MLKL: variants seen among roughly 807,000 people sequenced by gnomAD.
MLKL encodes the protein mixed lineage kinase domain like pseudokinase, also known as mixed lineage kinase domain-like protein.
Under a neutral mutation model 56.5 loss-of-function variants are expected in MLKL, and 55 were observed. The ratio of observed to expected loss-of-function variants is 0.97; its 90% CI spans 0.78 to 1.22. The LOEUF is 1.22. MLKL is among the 50% of genes most tolerant of loss of function. The pLI is 0.00. For synonymous variants in MLKL, 251 were observed against 208.3 expected (o/e 1.20, Z -1.76); for missense variants, 694 against 573.9 (o/e 1.21, Z -2.14).
At chr16:74,693,123 T>C (rs931255280) in intron 2 of MLKL, among the ~76,000 whole-genome samples, 1 of 152,190 alleles carries the variant, frequency 6.6e-6, no homozygotes, top group Non-Finnish European at 1.5e-5. Context: ...CTAGTGATTT[T>C]ACCTAGCAAT....
Position 74,686,556 on chromosome 16 carries a change from C to T in MLKL, c.723-973G>A, listed in dbSNP as rs1960341734. On this transcript the variant is annotated intron_variant, in intron 4 of 10. Transcript: ENST00000308807. Reference sequence around the variant, plus strand: ...CGAGATCACACCATTGCACTCCAGCCTGGGTGACAGAACGAGACTACGTCT... The same window carrying T: ...CGAGATCACACCATTGCACTCCAGCTTGGGTGACAGAACGAGACTACGTCT... Among the ~76,000 whole-genome samples the T allele has an allele frequency of 3.3e-5, 5 of 152,184 alleles. No homozygotes were observed. In the South Asian group the frequency reaches 1.0e-3, roughly 31 times the overall value.
rs749600380 is a variant in MLKL at position 74,685,477 on chromosome 16, A to G, written c.820+9T>C. The G allele has an allele frequency of 5.0e-6, 8 of 1,609,182 alleles. No individual in the cohort carries two copies. Among genetic ancestry groups the G allele is most frequent in the Non-Finnish European group, 6.8e-6 (8 of 1,175,750 alleles). Reference sequence around the variant, plus strand: ...CCAAAGCTTGACCAATCCTAGAAGCATTCCTTACCTGTTTCATCAATGCAA... The same window carrying G: ...CCAAAGCTTGACCAATCCTAGAAGCGTTCCTTACCTGTTTCATCAATGCAA... On this transcript the variant is annotated intron_variant, in intron 5 of 10. Transcript: ENST00000308807.
At chr16:74,686,318 C>T (rs977289765) in intron 4 of MLKL, among the ~76,000 whole-genome samples, 2 of 152,078 alleles carry the variant, frequency 1.3e-5, no homozygotes, top group Admixed American at 1.3e-4. Flanking sequence ...CGTGGTGGCT[C>T]ATGCCTGTAA....
chr16:74,686,999 G>A (rs1373320889), intron 4 of MLKL, among the ~76,000 whole-genome samples: 5 of 152,086 alleles, frequency 3.3e-5, no homozygotes, highest in Non-Finnish European at 7.4e-5. Context: ...TTTTTGAGAT[G>A]GAGCCTCACT....
chr16:74,688,733 C>A (rs557229580), intron 4 of MLKL, among the ~76,000 whole-genome samples: 23 of 152,004 alleles, frequency 1.5e-4, no homozygotes, highest in African/African-American at 4.8e-4. Flanking sequence ...AAACAAAAAA[C>A]CCCCAAAACC....
intron 6 of MLKL, among the ~76,000 whole-genome samples, chr16:74,681,089 A>G (rs967316354): frequency 6.6e-6 from 1 of 152,070 alleles, no homozygotes; most frequent in African/African-American, 2.4e-5. Flanking sequence ...CAGTGGTACG[A>G]TATCAGTTCA....
chr16:74,672,585 G>A, intron 10 of MLKL, 47 bp from the exon 11 acceptor site: 8 of 1,563,178 alleles, frequency 5.1e-6, no homozygotes, highest in Non-Finnish European at 7.0e-6. Flanking sequence ...GCAGCTGAGA[G>A]CCAAGTTAGA....
chr16:74,675,345 C>T lies in MLKL; in HGVS notation c.1240+10G>A, dbSNP rs376292687. ...TCACCACTGGCTGAGCCAGTCTTCA[C>T]ATTCTTCACCTTGAAACGGGATATC... On this transcript the variant is annotated intron_variant, in intron 9 of 10. Coordinates refer to ENST00000308807, the MANE Select transcript of MLKL (RefSeq NM_152649.4). 6.2e-7 allele frequency: 1 copy of T among 1,614,046 alleles called. No homozygotes were observed. The highest frequency in any genetic ancestry group is 8.5e-7 in the Non-Finnish European group (1 of 1,180,006).
At position 74,695,779 on chromosome 16, in the gene MLKL, T is replaced by C. The variant is rs1442149706; in HGVS notation, c.-2-20A>G. 6.4e-7 allele frequency: 1 copy of C among 1,563,040 alleles called. No individual in the cohort carries two copies. Reference sequence around the variant, plus strand: ...CCATGCCTGGAAGAAATGAATGGAATTTGGTGAAATCCCCAAATCTCCTGC... The same window carrying C: ...CCATGCCTGGAAGAAATGAATGGAACTTGGTGAAATCCCCAAATCTCCTGC... On this transcript the variant is annotated intron_variant, in intron 1 of 10. Coordinates refer to ENST00000308807, the MANE Select transcript of MLKL (RefSeq NM_152649.4).
In MLKL at chr16:74,691,385, G is replaced by A. The variant is rs767152998; in HGVS notation, c.614C>T (p.Pro205Leu). 44 of 1,613,984 alleles carry A rather than the reference G, an allele frequency of 2.7e-5. No homozygotes were observed. Among genetic ancestry groups the A allele is most frequent in the African/African-American group, 1.9e-4 (14 of 74,970 alleles). ...TTCATTTTCCCTTAGCAGAATCCAC[G>A]GGGATCCTGAAAGCTGCTCCTTCTT... Reference protein sequence around the residue: ...EIKKEQLSGSPWILLRENEVS... With the variant: ...EIKKEQLSGSLWILLRENEVS... The change falls in exon 4 of 11, where the codon CCG (proline) becomes CTG (leucine). Residue 205 changes from proline to leucine, a missense_variant. Coordinates refer to ENST00000308807, the MANE Select transcript of MLKL (RefSeq NM_152649.4).
chr16:74,685,016 C>G (rs1960240948), intron 5 of MLKL, among the ~76,000 whole-genome samples: 1 of 152,124 alleles, frequency 6.6e-6, no homozygotes, highest in Non-Finnish European at 1.5e-5. Context: ...AGATGCCTGC[C>G]ACCAGACCCA....
intron 4 of MLKL, among the ~76,000 whole-genome samples, chr16:74,688,775 T>C (rs1041018433): frequency 2.0e-5 from 3 of 152,108 alleles, no homozygotes; most frequent in African/African-American, 7.2e-5. Flanking sequence ...ACATTATTCA[T>C]AATAATCAAA....
intron 5 of MLKL, among the ~76,000 whole-genome samples, chr16:74,683,913 G>A (rs578013823): frequency 2.0e-3 from 307 of 152,222 alleles, no homozygotes; most frequent in South Asian, 0.01. Flanking sequence ...GGTCCCCAAG[G>A]AGAACAAACG....
intron 10 of MLKL, among the ~76,000 whole-genome samples, chr16:74,673,938 T>G (rs1313003271): frequency 1.1e-4 from 12 of 106,582 alleles, no homozygotes; most frequent in African/African-American, 4.5e-4. Flanking sequence ...GGCAACATAA[T>G]GAGACCTCCT....
intron 7 of MLKL, chr16:74,677,544 G>C (rs1051902763): frequency 3.9e-5 from 6 of 152,170 alleles, no homozygotes; most frequent in African/African-American, 9.7e-5. Flanking sequence ...TTGAAGAGGG[G>C]GAGGTCTCAC....
rs574933420 is a variant in MLKL at position 74,690,086 on chromosome 16, C to T, written c.722+1191G>A. On this transcript the variant is annotated intron_variant, in intron 4 of 10. Coordinates refer to ENST00000308807, the MANE Select transcript of MLKL (RefSeq NM_152649.4). ...AAACAGACAAGACAAAAGCAGCAAC[C>T]GTGATGGAAAAAAGGGCAGAGGATA... 4.6e-5 allele frequency among the ~76,000 whole-genome samples: 7 copies of T among 152,022 alleles called. No individual in the cohort carries two copies. The East Asian group carries it at 5.8e-4, about 13-fold the overall frequency.
chr16:74,686,181 C>A (rs1960314422), intron 4 of MLKL, among the ~76,000 whole-genome samples: 1 of 152,096 alleles, frequency 6.6e-6, no homozygotes, highest in African/African-American at 2.4e-5. Context: ...AGGCTGGTGT[C>A]AAACTCCTGG....
At chr16:74,696,079 T>C (rs890800272) in intron 1 of MLKL, among the ~76,000 whole-genome samples, 11 of 152,180 alleles carry the variant, frequency 7.2e-5, no homozygotes, top group Admixed American at 2.6e-4. Flanking sequence ...GGGGCAGCTG[T>C]GCCGCCTCCT....
chr16:74,685,689 C>T (rs1007430838), intron 4 of MLKL, 106 bp from the exon 5 acceptor site: 21 of 822,700 alleles, frequency 2.6e-5, no homozygotes, highest in Non-Finnish European at 3.6e-5. Context: ...GTATCAGCAT[C>T]TGGGGTGAGA....
Sources: gnomAD v4.1 joint callset for allele counts (sites outside exome capture counted in the v4.1 genomes callset) on GRCh38, gnomAD v4.1.1 for gene constraint, MANE v1.5 for transcripts, NCBI Gene and HGNC (gene_info 2026-07-23, HGNC 2026-07-21) for gene names.